The following MDGA2 variants were observed in gnomAD, a reference collection of about 807,000 sequenced individuals.
MDGA2 encodes the protein MAM domain-containing glycosylphosphatidylinositol anchor protein 2.
MDGA2 carries 40 observed loss-of-function variants against 117.8 expected under a neutral mutation model. The observed-to-expected ratio is 0.34, with a 90% confidence interval of 0.26 to 0.44. MDGA2 has a LOEUF of 0.44. MDGA2 is among the 20% of genes least tolerant of loss of function. MDGA2 has a pLI of 1.00. For synonymous variants in MDGA2, 452 were observed against 439.0 expected (o/e 1.03, Z -0.37); for missense variants, 1,123 against 1,250.6 (o/e 0.90, Z 1.54).
chr14:47,604,256 C>T (rs1896699610), intron 1 of MDGA2, among the ~76,000 whole-genome samples: 1 of 152,026 alleles, frequency 6.6e-6, no homozygotes, highest in East Asian at 1.9e-4. Context: ...TCCTTCCCAC[C>T]TCCATCCCTT....
At chr14:47,347,377 A>G (rs1307285487) in intron 1 of MDGA2, among the ~76,000 whole-genome samples, 1 of 152,192 alleles carries the variant, frequency 6.6e-6, no homozygotes, top group East Asian at 1.9e-4. Context: ...GGCAATGAGA[A>G]TGGATAAAGG....
chr14:47,343,962 A>C (rs112190391), intron 1 of MDGA2, among the ~76,000 whole-genome samples: 86 of 152,166 alleles, frequency 5.7e-4, no homozygotes, highest in African/African-American at 6.5e-4. Context: ...ATTTATCCTG[A>C]CTCTTGGAAA....
intron 10 of MDGA2, among the ~76,000 whole-genome samples, chr14:46,890,426 C>G (rs1341216821): frequency 6.6e-6 from 1 of 152,112 alleles, no homozygotes; most frequent in Non-Finnish European, 1.5e-5. Flanking sequence ...ATATAGCAAA[C>G]TACTTTCAAC....
At chr14:47,309,102 C>G (rs1172233765) in intron 1 of MDGA2, among the ~76,000 whole-genome samples, 3 of 152,090 alleles carry the variant, frequency 2.0e-5, no homozygotes, top group African/African-American at 7.2e-5. Context: ...ACTTGTATAT[C>G]TATTCAATAA....
chr14:46,979,488 G>C (rs1595083707), intron 8 of MDGA2, among the ~76,000 whole-genome samples: 1 of 152,244 alleles, frequency 6.6e-6, no homozygotes, highest in East Asian at 1.9e-4. Context: ...CAATAGCTAA[G>C]CCTTTTGCTC....
At chr14:47,101,159 CA>C (rs1880300870) in intron 5 of MDGA2, among the ~76,000 whole-genome samples, 1 of 151,054 alleles carries the variant, frequency 6.6e-6, no homozygotes, top group Non-Finnish European at 1.5e-5. Flanking sequence ...CCTGGAGAGG[CA>C]TAGTGATTTC....
intron 1 of MDGA2, among the ~76,000 whole-genome samples, chr14:47,342,273 TATATATATAA>T (rs1422490154): frequency 2.6e-5 from 3 of 117,602 alleles, no homozygotes; most frequent in Middle Eastern, 5.1e-3. Flanking sequence ...TATATATATA[TATATATATAA>T]AATATGTTAT....
chr14:46,945,512 T>C (rs1387454800), intron 9 of MDGA2, among the ~76,000 whole-genome samples: 1 of 152,100 alleles, frequency 6.6e-6, no homozygotes, highest in Non-Finnish European at 1.5e-5. Flanking sequence ...ACCTCATCCT[T>C]GTAGAGTCTG....
chr14:47,549,367 C>G (rs899546612), intron 1 of MDGA2, among the ~76,000 whole-genome samples: 9 of 151,896 alleles, frequency 5.9e-5, no homozygotes, highest in Non-Finnish European at 1.5e-5. Flanking sequence ...CTCTCTCTCT[C>G]TCTCTGAAGA....
At chr14:47,556,919 C>T (rs992350033) in intron 1 of MDGA2, among the ~76,000 whole-genome samples, 2 of 152,184 alleles carry the variant, frequency 1.3e-5, no homozygotes, top group South Asian at 2.1e-4. Flanking sequence ...GCTCTGTAAT[C>T]GAGGATTTCT....
At chr14:47,230,049 A>G (rs1008024426) in intron 2 of MDGA2, among the ~76,000 whole-genome samples, 4 of 151,962 alleles carry the variant, frequency 2.6e-5, no homozygotes, top group African/African-American at 9.7e-5. Flanking sequence ...AATTTCTTTC[A>G]CCATTATTCT....
At chr14:46,892,546 G>A (rs28796314) in intron 10 of MDGA2, among the ~76,000 whole-genome samples, 95 of 151,936 alleles carry the variant, frequency 6.3e-4, no homozygotes, top group Non-Finnish European at 1.2e-3. Context: ...AACAAAGGGA[G>A]CAATTAACAA....
At chr14:46,932,705 G>T (rs893923428) in intron 9 of MDGA2, among the ~76,000 whole-genome samples, 2 of 151,966 alleles carry the variant, frequency 1.3e-5, no homozygotes, top group Admixed American at 6.6e-5. Flanking sequence ...TCCTGCCATT[G>T]GTTATTAGGA....
At chr14:47,010,794 G>A (rs1887872136) in intron 8 of MDGA2, among the ~76,000 whole-genome samples, 1 of 151,992 alleles carries the variant, frequency 6.6e-6, no homozygotes, top group African/African-American at 2.4e-5. Flanking sequence ...GCATAGAAAT[G>A]TCTTCATCTA....
At position 46,898,197 on chromosome 14, in the gene MDGA2, A is replaced by G. The variant is rs531112143; in HGVS notation, c.2239-15976T>C. On this transcript the variant is annotated intron_variant, in intron 10 of 16. Transcript: ENST00000399232. ...GTAAGAAAAATATTAGCAATTAAAA[A>G]TATGAAATATAAATGGAAAATAATT... Among the ~76,000 whole-genome samples, 3 of 152,234 alleles carry G rather than the reference A, an allele frequency of 2.0e-5. No homozygotes were observed. The East Asian group carries it at 5.8e-4, about 29-fold the overall frequency.
At chr14:47,200,930 C>A (rs953457991) in intron 3 of MDGA2, 5 of 834,368 alleles carry the variant, frequency 6.0e-6, no homozygotes, top group East Asian at 2.4e-5. Flanking sequence ...GGGCAGCAAG[C>A]CTCGCTCGGT....
chr14:47,342,985 C>G (rs1890675993), intron 1 of MDGA2: 1 of 1,002,286 alleles, frequency 1.0e-6, no homozygotes, highest in Non-Finnish European at 1.4e-6. Context: ...GCAGCTTTGC[C>G]TGGCAGAATG....
At chr14:47,517,294 G>T (rs1271409038) in intron 1 of MDGA2, among the ~76,000 whole-genome samples, 1 of 151,968 alleles carries the variant, frequency 6.6e-6, no homozygotes, top group Non-Finnish European at 1.5e-5. Flanking sequence ...ACACCCCAGA[G>T]CTCCGAAGGA....
intron 10 of MDGA2, among the ~76,000 whole-genome samples, chr14:46,914,423 A>G (rs1366675884): frequency 6.6e-6 from 1 of 152,106 alleles, no homozygotes; most frequent in Non-Finnish European, 1.5e-5. Flanking sequence ...AGTTTCTTAA[A>G]GCAGTGATTC....
Sources: gnomAD v4.1 joint callset for allele counts (sites outside exome capture counted in the v4.1 genomes callset) on GRCh38, gnomAD v4.1.1 for gene constraint, MANE v1.5 for transcripts, NCBI Gene and HGNC (gene_info 2026-07-23, HGNC 2026-07-21) for gene names.